FSTL5: variants seen among roughly 807,000 people sequenced by gnomAD.
FSTL5 encodes the protein follistatin-related protein 5.
Under a neutral mutation model 89.1 loss-of-function variants are expected in FSTL5, and 62 were observed. The ratio of observed to expected loss-of-function variants is 0.70; its 90% confidence interval spans 0.57 to 0.86. The LOEUF (loss-of-function observed/expected upper bound fraction) is 0.86. FSTL5 is among the 40% of genes least tolerant of loss of function. The pLI is 0.00. For synonymous variants in FSTL5, 383 were observed against 346.2 expected, an observed-to-expected ratio of 1.11 and a Z score of -1.18; for missense variants, 1,057 against 1,001.6, an observed-to-expected ratio of 1.06 and a Z score of -0.75.
chr4:161,842,608 T>C lies in FSTL5; in HGVS notation c.410-66534A>G, dbSNP rs183309301. 2.0e-5 allele frequency among the ~76,000 whole-genome samples: 3 copies of C among 152,178 alleles called. No individual in the cohort carries two copies. In the East Asian group the frequency reaches 5.8e-4, roughly 29 times the overall value. ...GTAATAATTTCCTATGTCCCAAAAA[T>C]CTTTAAAAAATAGTCTATTTATCTT... On this transcript the variant is annotated intron_variant, in intron 4 of 15. Coordinates refer to ENST00000306100, the MANE Select transcript of FSTL5 (RefSeq NM_020116.5).
intron 4 of FSTL5, among the ~76,000 whole-genome samples, chr4:161,833,021 G>A (rs1579125549): frequency 6.6e-6 from 1 of 150,404 alleles, no homozygotes; most frequent in South Asian, 2.1e-4. Context: ...GGCATTTAGT[G>A]CTATAAATTT....
intron 3 of FSTL5, among the ~76,000 whole-genome samples, chr4:161,924,255 A>G (rs1302836910): frequency 1.3e-5 from 2 of 151,510 alleles, no homozygotes; most frequent in East Asian, 3.9e-4. Context: ...AAAAGAGATA[A>G]AAATATTAAA....
intron 3 of FSTL5, among the ~76,000 whole-genome samples, chr4:162,017,891 T>C (rs190219646): frequency 1.4e-4 from 22 of 152,290 alleles, no homozygotes; most frequent in African/African-American, 4.8e-4. Flanking sequence ...GATCATATTG[T>C]CCAACTCATT....
intron 7 of FSTL5, among the ~76,000 whole-genome samples, chr4:161,626,800 A>C (rs987385717): frequency 5.3e-5 from 8 of 152,312 alleles, no homozygotes; most frequent in Non-Finnish European, 8.8e-5. Flanking sequence ...TTATATTAAC[A>C]GGAGTTTGGA....
At chr4:162,103,524 G>A (rs1383428673) in intron 2 of FSTL5, among the ~76,000 whole-genome samples, 2 of 152,198 alleles carry the variant, frequency 1.3e-5, no homozygotes, top group Admixed American at 1.3e-4. Context: ...TGTGAGCAGA[G>A]ATAGTAACCT....
chr4:161,732,251 A>G (rs1396555983), intron 6 of FSTL5, among the ~76,000 whole-genome samples: 2 of 152,108 alleles, frequency 1.3e-5, no homozygotes, highest in East Asian at 3.9e-4. Context: ...TTTAATACAT[A>G]TGGGTGTTGA....
intron 15 of FSTL5, among the ~76,000 whole-genome samples, chr4:161,422,590 C>A (rs866539762): frequency 6.6e-6 from 1 of 152,118 alleles, no homozygotes; most frequent in Non-Finnish European, 1.5e-5. Flanking sequence ...CTCAGAGAAC[C>A]TGAGCATCCA....
intron 4 of FSTL5, among the ~76,000 whole-genome samples, chr4:161,814,034 G>T (rs1452448671): frequency 1.3e-5 from 2 of 151,928 alleles, no homozygotes; most frequent in African/African-American, 4.8e-5. Context: ...GGAAAAAGAA[G>T]AGAGGAAAAG....
chr4:161,922,651 G>A (rs972623037), intron 3 of FSTL5, among the ~76,000 whole-genome samples: 4 of 151,768 alleles, frequency 2.6e-5, no homozygotes, highest in African/African-American at 4.8e-5. Flanking sequence ...TTAGGGCACT[G>A]ACTTACTGAA....
At chr4:161,597,255 C>A (rs1008821488) in intron 7 of FSTL5, among the ~76,000 whole-genome samples, 8 of 152,036 alleles carry the variant, frequency 5.3e-5, no homozygotes, top group Non-Finnish European at 8.8e-5. Flanking sequence ...ATATGGCTAG[C>A]CAGTTTTCCC....
intron 12 of FSTL5, among the ~76,000 whole-genome samples, chr4:161,497,588 A>G (rs576713055): frequency 1.3e-5 from 2 of 151,772 alleles, no homozygotes; most frequent in South Asian, 2.1e-4. Flanking sequence ...TTACTCTTCC[A>G]TAAGAGTACA....
At chr4:161,615,052 T>TG (rs1734796877) in intron 7 of FSTL5, among the ~76,000 whole-genome samples, 1 of 151,946 alleles carries the variant, frequency 6.6e-6, no homozygotes, top group Admixed American at 6.6e-5. Context: ...CCCAGCACTT[T>TG]GGGAGGCCAA....
chr4:161,830,238 A>T (rs999097815), intron 4 of FSTL5, among the ~76,000 whole-genome samples: 1 of 152,020 alleles, frequency 6.6e-6, no homozygotes, highest in African/African-American at 2.4e-5. Context: ...AACACCTGGC[A>T]TGCTTTAAAG....
intron 5 of FSTL5, among the ~76,000 whole-genome samples, chr4:161,771,761 G>A (rs969532008): frequency 2.0e-5 from 3 of 152,218 alleles, no homozygotes; most frequent in African/African-American, 7.2e-5. Context: ...CACAGTTCTT[G>A]TAAAAGTTTA....
At chr4:161,826,845 C>T (rs950340240) in intron 4 of FSTL5, among the ~76,000 whole-genome samples, 3 of 152,028 alleles carry the variant, frequency 2.0e-5, no homozygotes, top group African/African-American at 7.3e-5. Flanking sequence ...ATCCATTCTG[C>T]CATTCTTTAT....
intron 4 of FSTL5, among the ~76,000 whole-genome samples, chr4:161,846,250 A>C (rs1000942228): frequency 6.6e-6 from 1 of 152,176 alleles, no homozygotes; most frequent in Non-Finnish European, 1.5e-5. Context: ...ATTTATATAC[A>C]TATTTGTATT....
intron 2 of FSTL5, among the ~76,000 whole-genome samples, chr4:162,093,226 A>C (rs933921678): frequency 1.3e-5 from 2 of 152,176 alleles, no homozygotes; most frequent in Non-Finnish European, 2.9e-5. Flanking sequence ...ACTGAAATAC[A>C]GCAGTGCTCA....
intron 1 of FSTL5, among the ~76,000 whole-genome samples, chr4:162,159,261 T>A (rs1431441177): frequency 6.6e-6 from 1 of 152,096 alleles, no homozygotes; most frequent in South Asian, 2.1e-4. Context: ...CTACTGTATG[T>A]ATGTCTTAAT....
intron 3 of FSTL5, among the ~76,000 whole-genome samples, chr4:161,930,970 A>G (rs1217477543): frequency 6.6e-6 from 1 of 151,910 alleles, no homozygotes; most frequent in African/African-American, 2.4e-5. Context: ...GTATTATACC[A>G]CTATGATAAA....
Sources: allele counts gnomAD v4.1 joint callset (sites outside exome capture counted in the v4.1 genomes callset), GRCh38; gene constraint gnomAD v4.1.1; transcripts MANE v1.5; gene names NCBI Gene and HGNC (gene_info 2026-07-23, HGNC 2026-07-21).